CD160: variants seen among roughly 807,000 people sequenced by gnomAD.
The protein encoded by CD160 is CD160 molecule, also known as CD160 antigen.
CD160 carries 11 observed loss-of-function variants against 19.2 expected under a neutral mutation model. That is an observed-to-expected ratio of 0.57 (90% CI 0.36 to 0.95). The LOEUF (loss-of-function observed/expected upper bound fraction) is 0.95. CD160 is among the 40% of genes least tolerant of loss of function. The pLI, the probability that CD160 is intolerant of heterozygous loss-of-function variation, is 0.01. For synonymous variants in CD160, 75 were observed against 81.1 expected (o/e 0.93, Z 0.40); for missense variants, 182 against 213.2 (o/e 0.85, Z 0.91).
At chr1:145,738,383 G>A (rs187453855) in intron 5 of CD160, 103 bp from the exon 6 acceptor site, 124 of 624,698 alleles carry the variant, frequency 2.0e-4, no homozygotes, top group Non-Finnish European at 2.8e-4. Context: ...CAGTCATGAG[G>A]GCCTATCACG....
At chr1:145,725,355 G>A (rs1553708256) in intron 2 of CD160, among the ~76,000 whole-genome samples, 2 of 152,028 alleles carry the variant, frequency 1.3e-5, no homozygotes. Flanking sequence ...TGAGGCAGGA[G>A]AATCGCTTGA....
intron 3 of CD160, among the ~76,000 whole-genome samples, chr1:145,729,412 A>G (rs1417682214): frequency 2.0e-5 from 3 of 152,182 alleles, no homozygotes; most frequent in Non-Finnish European, 4.4e-5. Flanking sequence ...CTGCCGGATG[A>G]GTTTTCAGCA....
chr1:145,725,530 A>T (rs1186029595), intron 2 of CD160, among the ~76,000 whole-genome samples: 1 of 152,190 alleles, frequency 6.6e-6, no homozygotes, highest in African/African-American at 2.4e-5. Flanking sequence ...AATTTTAGGA[A>T]ATCTATTAAT....
chr1:145,732,679 G>T (rs1657342103), intron 4 of CD160, among the ~76,000 whole-genome samples: 1 of 152,016 alleles, frequency 6.6e-6, no homozygotes. Flanking sequence ...TTAAAGAAAT[G>T]GATATGGAAA....
At chr1:145,722,767 A>AT (rs1386741061) in intron 1 of CD160, among the ~76,000 whole-genome samples, 6 of 150,986 alleles carry the variant, frequency 4.0e-5, no homozygotes, top group East Asian at 2.0e-4. Flanking sequence ...AATTTTTTGT[A>AT]TTTTTTTTAG....
chr1:145,731,916 G>A (rs1657310742), intron 4 of CD160, among the ~76,000 whole-genome samples: 1 of 152,132 alleles, frequency 6.6e-6, no homozygotes, highest in Non-Finnish European at 1.5e-5. Context: ...CTAGCTCCTG[G>A]AATCAGAAAC....
intron 3 of CD160, among the ~76,000 whole-genome samples, chr1:145,730,217 G>T (rs761037300): frequency 2.6e-5 from 4 of 152,194 alleles, no homozygotes; most frequent in Non-Finnish European, 2.9e-5. Context: ...CTATTCGGAA[G>T]GCGGAAGCAG....
intron 1 of CD160, among the ~76,000 whole-genome samples, chr1:145,723,604 G>A (rs1268519522): frequency 4.6e-5 from 7 of 152,068 alleles, no homozygotes; most frequent in South Asian, 2.1e-4. Flanking sequence ...GCAGGAAGGC[G>A]ACAAAGTTTT....
chr1:145,721,303 C>G (rs1438107515), intron 1 of CD160, among the ~76,000 whole-genome samples: 2 of 152,182 alleles, frequency 1.3e-5, no homozygotes, highest in Non-Finnish European at 2.9e-5. Context: ...TAGGGGGTCA[C>G]TCGGCTTTGG....
At chr1:145,738,224 CTTT>C (rs749765674) in intron 5 of CD160, 27 of 299,444 alleles carry the variant, frequency 9.0e-5, no homozygotes, top group Non-Finnish European at 1.3e-4. Context: ...TCTATTGCTT[CTTT>C]GATTGTTCCT....
intron 2 of CD160, among the ~76,000 whole-genome samples, chr1:145,727,490 A>G (rs1364634755): frequency 2.6e-5 from 4 of 152,160 alleles, no homozygotes; most frequent in African/African-American, 9.7e-5. Flanking sequence ...TATAGCCTCA[A>G]TTGGAGGGAA....
Position 145,738,805 on chromosome 1 carries a change from A to G in CD160, c.*312A>G, listed in dbSNP as rs1422369362. The G allele has an allele frequency of 4.3e-6, 1 of 230,392 alleles. No individual in the cohort carries two copies. The highest frequency in any genetic ancestry group is 8.4e-6 in the Non-Finnish European group (1 of 118,886). 14.3% of individuals were successfully genotyped at this position (230,392 alleles called of 1,614,324 possible). On this transcript the variant is annotated 3_prime_UTR_variant, in exon 6 of 6. Transcript: ENST00000369288. ...AAATATATGCGTTTTTGTACCCCAG[A>G]AAAACTTTTCCTCCCTCTTCATCAA...
intron 4 of CD160, among the ~76,000 whole-genome samples, chr1:145,734,521 C>T (rs149799334): frequency 3.1e-3 from 479 of 152,310 alleles, no homozygotes; most frequent in African/African-American, 0.011. Flanking sequence ...TTCAGTTAAA[C>T]TGCACTAGTG....
Position 145,738,466 on chromosome 1 carries a change from T to G in CD160, c.539-20T>G, listed in dbSNP as rs1657585485. On this transcript the variant is annotated intron_variant, in intron 5 of 5. Coordinates refer to ENST00000369288, the MANE Select transcript of CD160 (RefSeq NM_007053.4). ...GCTATTCTAAGTTATAAGGCAGTAA[T>G]ACAAACTTTCTTTCCACAGCTTTGT... 1 of 1,321,100 alleles carries G rather than the reference T, an allele frequency of 7.6e-7. No individual in the cohort carries two copies. The highest frequency in any genetic ancestry group is 9.8e-7 in the Non-Finnish European group (1 of 1,024,064). The allele number at this position is 1,321,100 out of a possible 1,614,324, so 81.8% of individuals were successfully genotyped here. A position where few individuals can be genotyped will look rare whatever the true frequency, so the allele number is the denominator to read the frequency against.
At chr1:145,721,599 T>G (rs955033338) in intron 1 of CD160, among the ~76,000 whole-genome samples, 3 of 151,748 alleles carry the variant, frequency 2.0e-5, no homozygotes, top group Non-Finnish European at 1.5e-5. Flanking sequence ...TTGGAAGCGG[T>G]CCCTACCCTG....
intron 1 of CD160, among the ~76,000 whole-genome samples, chr1:145,721,437 T>C (rs1260793668): frequency 3.3e-5 from 5 of 152,102 alleles, no homozygotes; most frequent in South Asian, 4.1e-4. Flanking sequence ...CAGAGCATCC[T>C]TGCCCAGTGA....
At chr1:145,737,953 C>T (rs1657560963) in intron 5 of CD160, 1 of 152,112 alleles carries the variant, frequency 6.6e-6, no homozygotes, top group African/African-American at 2.4e-5. Flanking sequence ...TTTCTTTATC[C>T]TTCTTCCCCA....
rs1553709179 is a variant in CD160, at chr1:145,731,086, C to CTCCT, written c.400+17_400+20dup. On this transcript the variant is annotated intron_variant, in intron 4 of 5. Transcript: ENST00000369288. ...CTATTCACAGGTGAGTGCTCAAATA[C>CTCCT]TCCTAATGCCACCAGGTGGGACAGT... is the stretch of plus-strand genomic sequence containing the variant. The CTCCT allele has an allele frequency of 6.3e-7, 1 of 1,594,144 alleles. No homozygotes were observed. Among genetic ancestry groups the CTCCT allele is most frequent in the Admixed American group, 1.7e-5 (1 of 59,754 alleles).
intron 1 of CD160, among the ~76,000 whole-genome samples, chr1:145,723,039 A>T (rs1656916335): frequency 6.6e-6 from 1 of 152,140 alleles, no homozygotes; most frequent in Non-Finnish European, 1.5e-5. Context: ...CATTTTATTC[A>T]TTTATCCTCT....
Sources: gnomAD v4.1 joint callset for allele counts (sites outside exome capture counted in the v4.1 genomes callset) on GRCh38, gnomAD v4.1.1 for gene constraint, MANE v1.5 for transcripts, NCBI Gene and HGNC (gene_info 2026-07-23, HGNC 2026-07-21) for gene names.